MVB12A: variants seen among roughly 807,000 people sequenced by gnomAD.
MVB12A encodes CIN85/CD2AP family binding protein.
In MVB12A, 30 loss-of-function variants were observed where a neutral mutation model predicts 34.3. The observed-to-expected ratio is 0.88, with a 90% CI of 0.65 to 1.19. The LOEUF (loss-of-function observed/expected upper bound fraction) is 1.19. MVB12A is among the 50% of genes most tolerant of loss of function. The pLI is 0.00. For missense variants in MVB12A, 355 were observed against 369.2 expected (o/e 0.96, Z 0.31); for synonymous variants, 158 against 158.9 (o/e 0.99, Z 0.04).
chr19:17,419,831 T>C (rs1377638570), upstream of MVB12A: 2 of 242,838 alleles, frequency 8.2e-6, no homozygotes, highest in Non-Finnish European at 1.6e-5. Flanking sequence ...ACGAGTCTCT[T>C]GGTCCTGTGC....
intron 6 of MVB12A, 38 bp downstream of exon 6, chr19:17,423,837 A>G: frequency 6.3e-7 from 1 of 1,597,498 alleles, no homozygotes; most frequent in Non-Finnish European, 8.6e-7. Flanking sequence ...GTGGAAGTGG[A>G]GGGTGTGACT....
At chr19:17,406,786 G>A (rs1043892742) in intron 2 of MVB12A, among the ~76,000 whole-genome samples, 5 of 152,110 alleles carry the variant, frequency 3.3e-5, no homozygotes, top group African/African-American at 9.7e-5. Context: ...CTCAAGCCTG[G>A]GTGATAGAGT....
upstream of MVB12A, chr19:17,417,757 C>A: frequency 4.9e-6 from 1 of 204,126 alleles, no homozygotes; most frequent in East Asian, 1.3e-4. Context: ...CTTCATTTCC[C>A]GATCCTAGTG....
At chr19:17,424,166 T>TCCTGGGTTGGGGCTGGAGTGTGTCA in intron 7 of MVB12A, 99 bp downstream of exon 7, 1 of 1,229,718 alleles carries the variant, frequency 8.1e-7, no homozygotes, top group East Asian at 2.3e-5. Flanking sequence ...GAGGGCCACA[T>TCCTGGGTTGGGGCTGGAGTGTGTCA]CCTGGGTTGG....
upstream of MVB12A, among the ~76,000 whole-genome samples, chr19:17,416,211 AG>A (rs1289383762): frequency 0.018 from 1,442 of 81,930 alleles, 20 homozygotes; most frequent in African/African-American, 0.14. Flanking sequence ...CCTCCTGAGT[AG>A]CTGGGATTAC....
chr19:17,410,587 TAC>T (rs1181843335), intron 2 of MVB12A, among the ~76,000 whole-genome samples: 17 of 133,534 alleles, frequency 1.3e-4, no homozygotes, highest in African/African-American at 4.3e-4. Flanking sequence ...CATATATATA[TAC>T]ACACATATAT....
chr19:17,424,350 G>A (rs1007386116), intron 7 of MVB12A, among the ~76,000 whole-genome samples: 7 of 152,166 alleles, frequency 4.6e-5, no homozygotes, highest in Admixed American at 2.0e-4. Context: ...GGGAGACCAA[G>A]GCAGGTGGAT....
At chr19:17,420,014 C>T (rs1300501038), upstream of MVB12A, 20 of 354,298 alleles carry the variant, frequency 5.6e-5, 1 homozygote, top group Non-Finnish European at 4.1e-5. Flanking sequence ...GGGCAATCTC[C>T]GCCCCCCCCC....
Position 17,425,254 on chromosome 19 carries a change from G to C in MVB12A, c.*261G>C. 3 of 478,868 alleles carry C rather than the reference G, an allele frequency of 6.3e-6. No homozygotes were observed. The highest frequency in any genetic ancestry group is 7.4e-6 in the Non-Finnish European group (2 of 271,468). The allele number at this position is 478,868 out of a possible 1,614,324, so 29.7% of individuals were successfully genotyped here. On this transcript the variant is annotated 3_prime_UTR_variant, in exon 9 of 9. Transcript: ENST00000317040. ...GCTGGACAGAAGCCAGTGCCTTTAA[G>C]TCATTTGTGTCAAAACCCTCTGGGG...
chr19:17,408,880 A>G (rs1393126805), intron 2 of MVB12A, among the ~76,000 whole-genome samples: 2 of 122,096 alleles, frequency 1.6e-5, no homozygotes, highest in South Asian at 2.6e-4. Context: ...CCCAGGCTGG[A>G]GTGCAGTGGT....
chr19:17,420,248 G>A (rs1417943676), intron 1 of MVB12A, 23 bp downstream of exon 1: 4 of 1,517,114 alleles, frequency 2.6e-6, no homozygotes, highest in African/African-American at 1.4e-5. Flanking sequence ...GAGGGGCGGG[G>A]GTCGAATGGG....
At chr19:17,420,470 G>A (rs2145761045) in intron 2 of MVB12A, 59 bp downstream of exon 2, 1 of 1,592,442 alleles carries the variant, frequency 6.3e-7, no homozygotes, top group Non-Finnish European at 8.6e-7. Flanking sequence ...GCCCATTCAC[G>A]GTGCCCTATG....
upstream of MVB12A, chr19:17,419,550 C>T (rs1046604527): frequency 6.6e-6 from 1 of 152,218 alleles, no homozygotes; most frequent in Non-Finnish European, 1.5e-5. Context: ...CAGATGATTT[C>T]CTTTGGGATG....
chr19:17,424,017 G>T lies in MVB12A; in HGVS notation c.652G>T (p.Val218Phe), dbSNP rs1420441979. The change falls in exon 7 of 9, where the codon GTT becomes TTT. Residue 218 changes from valine (V) to phenylalanine (F), a missense_variant. Transcript: ENST00000317040. ...CACGTGTTTTTCAGCCATGGATGGGGTTCCCTTCACACTCCACCCACGATT... is the reference window on the plus strand; with the variant it reads ...CACGTGTTTTTCAGCCATGGATGGGTTTCCCTTCACACTCCACCCACGATT... ...SLYGISAMDG[V>F]PFTLHPRFEG... 5 of 1,614,008 alleles carry T rather than the reference G, an allele frequency of 3.1e-6. No homozygotes were observed. The Admixed American group carries it at 8.3e-5, about 27-fold the overall frequency.
chr19:17,420,577 G>A lies in MVB12A; in HGVS notation c.229G>A (p.Val77Met). The change falls in exon 3 of 9, where the codon GTG (valine) becomes ATG (methionine). Residue 77 changes from valine to methionine, a missense_variant. Transcript: ENST00000317040. ...CGTGGTGGCCGATATCCAGATCGTGGTGGACAAGAGCCCCCTGCCGCTGGG... is the reference window on the plus strand; with the variant it reads ...CGTGGTGGCCGATATCCAGATCGTGATGGACAAGAGCCCCCTGCCGCTGGG... ...ENVVADIQIVVDKSPLPLGFS... is the reference protein window; with the variant it reads ...ENVVADIQIVMDKSPLPLGFS... 1.2e-6 allele frequency: 2 copies of A among 1,614,056 alleles called. No individual in the cohort carries two copies. The highest frequency in any genetic ancestry group is 1.7e-6 in the Non-Finnish European group (2 of 1,179,952).
chr19:17,413,317 C>G (rs1955889005), intron 2 of MVB12A: 1 of 152,272 alleles, frequency 6.6e-6, no homozygotes, highest in Admixed American at 6.6e-5. Flanking sequence ...TGAGTTTCCC[C>G]CCACCCCTCA....
At chr19:17,420,871 C>T (rs1023405969) in intron 3 of MVB12A, 1 of 669,558 alleles carries the variant, frequency 1.5e-6, no homozygotes. Context: ...GTTCAGTCCA[C>T]GCCACCTGTT....
rs376796625 is a variant in MVB12A at position 17,423,776 on chromosome 19, C to G, written c.617C>G (p.Ala206Gly). The change falls in exon 6 of 9, where the codon GCC (alanine) becomes GGC (glycine). Residue 206 changes from alanine to glycine, a missense_variant. Coordinates refer to ENST00000317040, the MANE Select transcript of MVB12A (RefSeq NM_138401.4). ...CGGAGGAATGACTCCATCTACGAGG[C>G]CTCCAGCCTCTATGGCATCTCAGGT... ...TLRRNDSIYE[A>G]SSLYGISAMD... 5 of 1,613,948 alleles carry G rather than the reference C, an allele frequency of 3.1e-6. No individual in the cohort carries two copies. Among genetic ancestry groups the G allele is most frequent in the East Asian group, 2.2e-5 (1 of 44,886 alleles).
chr19:17,420,020 C>CCCCCCCCCCCCCCA, upstream of MVB12A: 3 of 361,616 alleles, frequency 8.3e-6, no homozygotes, highest in East Asian at 5.7e-5. Context: ...TCTCCGCCCC[C>CCCCCCCCCCCCCCA]CCCCCCCGCA....
Sources: allele counts gnomAD v4.1 joint callset (sites outside exome capture counted in the v4.1 genomes callset), GRCh38; gene constraint gnomAD v4.1.1; transcripts MANE v1.5; gene names NCBI Gene and HGNC (gene_info 2026-07-23, HGNC 2026-07-21).